Variants in ITFG2 observed in about 807,000 individuals in gnomAD.
ITFG2 encodes integrin alpha FG-GAP repeat containing 2.
In ITFG2, 36 loss-of-function variants were observed where a neutral mutation model predicts 54.4. The observed-to-expected ratio is 0.66, with a 90% CI of 0.51 to 0.87. ITFG2 has a LOEUF of 0.87. Ranked by LOEUF, ITFG2 falls within the 40% of genes least tolerant of loss-of-function variation. The pLI is 0.00. For synonymous variants in ITFG2, 211 were observed against 225.4 expected (o/e 0.94, Z 0.57); for missense variants, 524 against 576.7 (o/e 0.91, Z 0.94).
chr12:2,835,156 C>CGTGT (rs1404966974), upstream of ITFG2: 42 of 1,299,472 alleles, frequency 3.2e-5, 2 homozygotes, highest in African/African-American at 5.0e-4. Context: ...GTGGATGGGG[C>CGTGT]GTATGTGTGT....
At chr12:2,827,764 C>T, downstream of ITFG2, 1 of 1,609,440 alleles carries the variant, frequency 6.2e-7, no homozygotes, top group South Asian at 1.1e-5. This position sits in a 1 kb window ranked among gnomAD's most constrained non-coding sequence, Gnocchi z 4.0. Flanking sequence ...CTTCTCTGCC[C>T]ACCCCATCCC....
chr12:2,821,532 G>C lies in ITFG2; in HGVS notation c.794-11G>C. ...CCTGCCCTTTACATATTCTTCCTCT[G>C]GTCCTCACAGGCCACGGCACTGAGA... On this transcript the variant is annotated splice_polypyrimidine_tract_variant and intron_variant, in intron 7 of 11. Coordinates refer to ENST00000228799, the MANE Select transcript of ITFG2 (RefSeq NM_018463.4). 6.2e-7 allele frequency: 1 copy of C among 1,614,006 alleles called. No individual in the cohort carries two copies. The highest frequency in any genetic ancestry group is 8.5e-7 in the Non-Finnish European group (1 of 1,179,934).
intron 2 of ITFG2, chr12:2,857,080 C>G (rs911238788): frequency 1.4e-6 from 1 of 702,614 alleles, no homozygotes; most frequent in African/African-American, 1.7e-5. Context: ...CCCTTTCTGG[C>G]ACCATTGTTT....
upstream of ITFG2, among the ~76,000 whole-genome samples, chr12:2,835,822 T>C (rs916635971): frequency 6.6e-6 from 1 of 152,250 alleles, no homozygotes; most frequent in Non-Finnish European, 1.5e-5. Context: ...TTATATTCTT[T>C]ATGCAAATAC....
chr12:2,820,381 G>A (rs2153924452), intron 5 of ITFG2, among the ~76,000 whole-genome samples, 156 bp downstream of exon 5: 1 of 152,234 alleles, frequency 6.6e-6, no homozygotes, highest in Middle Eastern at 3.4e-3. Context: ...CAAATCAGGG[G>A]CTTAGGGGAA....
chr12:2,840,148 G>T (rs1259219320), intron 1 of ITFG2, among the ~76,000 whole-genome samples: 1 of 151,926 alleles, frequency 6.6e-6, no homozygotes, highest in Non-Finnish European at 1.5e-5. Context: ...TCATGAGTAG[G>T]AAGGTTCAAT....
chr12:2,832,586 T>C (rs1483510495), upstream of ITFG2, among the ~76,000 whole-genome samples: 1 of 151,894 alleles, frequency 6.6e-6, no homozygotes, highest in East Asian at 1.9e-4. Flanking sequence ...TCTGAGTTCT[T>C]CATGCTCCTC....
chr12:2,838,048 T>C (rs992005043), intron 1 of ITFG2, among the ~76,000 whole-genome samples: 2 of 152,144 alleles, frequency 1.3e-5, no homozygotes, highest in Non-Finnish European at 2.9e-5. Flanking sequence ...TCATTTAGAC[T>C]TAGCTTTAGT....
chr12:2,844,948 G>A (rs1470045389), intron 2 of ITFG2, among the ~76,000 whole-genome samples: 3 of 152,330 alleles, frequency 2.0e-5, no homozygotes, highest in African/African-American at 4.8e-5. Context: ...CTTTACAAGC[G>A]TGGAGGCGTT....
At chr12:2,855,033 G>T (rs1250939950) in intron 2 of ITFG2, 1 of 1,536,108 alleles carries the variant, frequency 6.5e-7, no homozygotes. Flanking sequence ...TCCTTTTCAT[G>T]TCCACAAACG....
intron 4 of ITFG2, 46 bp downstream of exon 4, chr12:2,818,323 T>C: frequency 1.2e-6 from 2 of 1,603,310 alleles, no homozygotes; most frequent in Non-Finnish European, 1.7e-6. Context: ...TAGGAGTCAG[T>C]GGATACTAGA....
At chr12:2,834,262 G>A (rs2098017262), upstream of ITFG2, among the ~76,000 whole-genome samples, 1 of 152,174 alleles carries the variant, frequency 6.6e-6, no homozygotes, top group Non-Finnish European at 1.5e-5. Context: ...CTGTGGTTCG[G>A]GGGAAGCAGG....
At chr12:2,827,537 C>G (rs2097974561), downstream of ITFG2, 2 of 1,596,444 alleles carry the variant, frequency 1.3e-6, no homozygotes, top group Non-Finnish European at 1.7e-6. This position sits in a 1 kb window ranked among gnomAD's most constrained non-coding sequence, Gnocchi z 4.0. Context: ...CTAAGTCACT[C>G]TCATCAGAAC....
chr12:2,859,040 G>C, intron 3 of ITFG2: 1 of 1,609,616 alleles, frequency 6.2e-7, no homozygotes, highest in Non-Finnish European at 8.5e-7. Context: ...CCCCTACTTT[G>C]GCTGGGGGCG....
intron 2 of ITFG2, chr12:2,849,486 C>CT (rs2098063281): frequency 6.5e-7 from 1 of 1,536,134 alleles, no homozygotes; most frequent in Non-Finnish European, 8.7e-7. Context: ...GCTGGAGGCC[C>CT]TGGGGTTCAA....
chr12:2,820,997 G>A, intron 6 of ITFG2, 125 bp downstream of exon 6: 1 of 1,024,686 alleles, frequency 9.8e-7, no homozygotes, highest in Non-Finnish European at 1.4e-6. Context: ...CCCAACCCAA[G>A]CACCTTTGCC....
At chr12:2,827,811 T>C, downstream of ITFG2, 1 of 1,602,816 alleles carries the variant, frequency 6.2e-7, no homozygotes, top group South Asian at 1.1e-5. This position sits in a 1 kb window ranked among gnomAD's most constrained non-coding sequence, Gnocchi z 4.0. Flanking sequence ...TGGGGGATAG[T>C]CAGAACATCT....
At chr12:2,844,968 C>T (rs1409822674) in intron 2 of ITFG2, among the ~76,000 whole-genome samples, 4 of 152,230 alleles carry the variant, frequency 2.6e-5, no homozygotes, top group South Asian at 2.1e-4. Flanking sequence ...TCGTGAGGCT[C>T]TGCCCTGGGA....
rs369638730 is a variant in ITFG2 at position 2,859,288 on chromosome 12, G to C, written n.621-246G>C. ...TCCACACAGGGAGGCAGTAGATGCT[G>C]TTTTCTCCGAGACCGGCTCCTCTCC... On this transcript the variant is annotated intron_variant and non_coding_transcript_variant, in intron 3 of 3. Transcript: ENST00000537710. 1.1e-5 allele frequency: 17 copies of C among 1,613,524 alleles called. No homozygotes were observed. The highest frequency in any genetic ancestry group is 2.7e-5 in the African/African-American group (2 of 74,868).
Sources: gnomAD v4.1 joint callset for allele counts (sites outside exome capture counted in the v4.1 genomes callset) on GRCh38, gnomAD v4.1.1 for gene constraint, Gnocchi (gnomAD v3.1) non-coding constraint, MANE v1.5 for transcripts, NCBI Gene and HGNC (gene_info 2026-07-23, HGNC 2026-07-21) for gene names.